Variants in ABCA13 observed in about 807,000 individuals in gnomAD.
ABCA13 encodes ATP binding cassette subfamily A member 13, also known as ATP-binding cassette sub-family A member 13.
ABCA13 carries 476 observed loss-of-function variants against 478.7 expected under a neutral mutation model. The observed-to-expected ratio is 0.99, with a 90% CI of 0.92 to 1.07. The LOEUF is 1.07. Ranked by LOEUF, ABCA13 falls within the 50% of genes least tolerant of loss-of-function variation. The pLI is 0.00. For missense variants in ABCA13, 6,060 were observed against 5,910.6 expected, an observed-to-expected ratio of 1.03 and a Z score of -0.83; for synonymous variants, 2,252 against 2,158.9, an observed-to-expected ratio of 1.04 and a Z score of -1.20.
chr7:48,208,886 TAAAGAAAAGGTC>T, intron 3 of ABCA13, among the ~76,000 whole-genome samples: 1 of 152,042 alleles, frequency 6.6e-6, no homozygotes, highest in Non-Finnish European at 1.5e-5. Context: ...TTCCAAATCT[TAAAGAAAAGGTC>T]TTCAGTTTTC....
At chr7:48,503,541 G>A (rs761363178) in intron 48 of ABCA13, among the ~76,000 whole-genome samples, 56 of 152,240 alleles carry the variant, frequency 3.7e-4, no homozygotes, top group Middle Eastern at 3.4e-3. Flanking sequence ...TGCAGTGTTT[G>A]TCTTTCTTTG....
chr7:48,178,755 G>A (rs1795235020), intron 1 of ABCA13, among the ~76,000 whole-genome samples: 1 of 150,632 alleles, frequency 6.6e-6, no homozygotes, highest in African/African-American at 2.4e-5. Flanking sequence ...GTCTTCTAAA[G>A]GTATGGAAAA....
chr7:48,233,233 A>G (rs943856157), intron 7 of ABCA13, among the ~76,000 whole-genome samples: 3 of 152,108 alleles, frequency 2.0e-5, no homozygotes, highest in African/African-American at 7.2e-5. Flanking sequence ...GCTTGTGAAA[A>G]TGGCTTATTA....
intron 55 of ABCA13, among the ~76,000 whole-genome samples, chr7:48,561,189 G>A (rs1470601856): frequency 6.6e-5 from 10 of 152,036 alleles, no homozygotes; most frequent in Non-Finnish European, 1.3e-4. Flanking sequence ...ATTGTGAATA[G>A]CGCTGCAATG....
intron 45 of ABCA13, among the ~76,000 whole-genome samples, chr7:48,476,458 G>T (rs1291138588): frequency 1.3e-5 from 2 of 152,098 alleles, no homozygotes; most frequent in African/African-American, 4.8e-5. Context: ...GCTGTAATTT[G>T]TGGAGGGAAC....
At chr7:48,499,715 A>G (rs1464390179) in intron 48 of ABCA13, among the ~76,000 whole-genome samples, 1 of 152,228 alleles carries the variant, frequency 6.6e-6, no homozygotes, top group Non-Finnish European at 1.5e-5. Flanking sequence ...ACATTTTGAA[A>G]CGTCATTTCT....
At chr7:48,195,046 T>A (rs1341522653) in intron 2 of ABCA13, among the ~76,000 whole-genome samples, 2 of 152,178 alleles carry the variant, frequency 1.3e-5, no homozygotes, top group East Asian at 3.9e-4. Flanking sequence ...GGTCAGCCAA[T>A]CCATTCTAAA....
chr7:48,427,674 C>T, intron 41 of ABCA13, 92 bp from the exon 42 acceptor site: 2 of 793,794 alleles, frequency 2.5e-6, no homozygotes, highest in Admixed American at 2.2e-5. Context: ...CATATGTTGT[C>T]ACAACCGGAT....
At chr7:48,230,856 T>C (rs1186475484) in intron 7 of ABCA13, among the ~76,000 whole-genome samples, 1 of 152,214 alleles carries the variant, frequency 6.6e-6, no homozygotes, top group Non-Finnish European at 1.5e-5. Flanking sequence ...TTCATTTATT[T>C]ATTCATTCTC....
Position 48,352,390 on chromosome 7 carries a change from A to G in ABCA13, c.10591A>G (p.Ile3531Val). 6.2e-7 allele frequency: 1 copy of G among 1,613,608 alleles called. No individual in the cohort carries two copies. Among genetic ancestry groups the G allele is most frequent in the Non-Finnish European group, 8.5e-7 (1 of 1,179,810 alleles). Reference sequence around the variant, plus strand: ...CGTCTTTGCCCCACTGCAAGACATGATCGAAAGAGCCATCATTTTGGTGCA... The same window carrying G: ...CGTCTTTGCCCCACTGCAAGACATGGTCGAAAGAGCCATCATTTTGGTGCA... ...NYVFAPLQDM[I>V]ERAIILVQTG... is the part of the protein sequence containing the mutation. The change falls in exon 31 of 62, where the codon ATC (isoleucine) becomes GTC (valine). Residue 3531 changes from isoleucine (I) to valine (V), a missense_variant. Physicochemically the swap from Ile to Val is conservative, Grantham distance 29. This residue lies in a region of ABCA13 where 4,423 missense variants were observed against 4,309.1 expected (regional missense o/e 1.03). Coordinates refer to ENST00000435803, the MANE Select transcript of ABCA13 (RefSeq NM_152701.5).
intron 33 of ABCA13, among the ~76,000 whole-genome samples, chr7:48,373,507 A>C (rs960340385): frequency 1.3e-5 from 2 of 152,208 alleles, no homozygotes; most frequent in Admixed American, 1.3e-4. Context: ...AAAAGTGGTT[A>C]TATTCCATCA....
rs972987542 is a variant in ABCA13, at chr7:48,645,338, G to A, written c.15082-79G>A. On this transcript the variant is annotated intron_variant, in intron 61 of 61. Transcript: ENST00000435803. Reference sequence around the variant, plus strand: ...TAGGGCAAGTTGGCCAGTGTTCTGAGACAATGTCTCCTTTCTAATAAGTGA... The same window carrying A: ...TAGGGCAAGTTGGCCAGTGTTCTGAAACAATGTCTCCTTTCTAATAAGTGA... 60 of 1,162,238 alleles carry A rather than the reference G, an allele frequency of 5.2e-5. 1 individual carries two copies. The highest frequency in any genetic ancestry group is 5.6e-5 in the Non-Finnish European group (45 of 810,324). The allele number at this position is 1,162,238 out of a possible 1,614,324, so 72.0% of individuals were successfully genotyped here.
chr7:48,279,280 C>T lies in ABCA13; in HGVS notation c.8086C>T (p.Pro2696Ser). 6.3e-7 allele frequency: 1 copy of T among 1,588,398 alleles called. No individual in the cohort carries two copies. Among genetic ancestry groups the T allele is most frequent in the Non-Finnish European group, 8.6e-7 (1 of 1,165,448 alleles). ...NITNQMDFLY[P>S]NPISTHSGPQ... is the part of the protein sequence containing the mutation. ...CACCAACCAAATGGACTTCTTATACCCTAATCCAATTTCCACTCATAGTGG... is the reference window on the plus strand; with the variant it reads ...CACCAACCAAATGGACTTCTTATACTCTAATCCAATTTCCACTCATAGTGG... Residue 2696 changes from proline (P) to serine (S), a missense_variant, in exon 18 of 62, where the codon CCT becomes TCT. Physicochemically the swap from Pro to Ser is moderately conservative, Grantham distance 74. Coordinates refer to ENST00000435803, the MANE Select transcript of ABCA13 (RefSeq NM_152701.5).
intron 41 of ABCA13, among the ~76,000 whole-genome samples, chr7:48,414,859 T>C (rs1386718640): frequency 6.6e-5 from 10 of 152,146 alleles, no homozygotes; most frequent in Non-Finnish European, 1.5e-4. Flanking sequence ...GGAACAAGTC[T>C]GTCAAAAATG....
intron 38 of ABCA13, among the ~76,000 whole-genome samples, chr7:48,401,497 T>C (rs182074441): frequency 2.0e-5 from 3 of 152,330 alleles, no homozygotes; most frequent in Admixed American, 6.5e-5. Context: ...TTTATCTCAT[T>C]GTGTCCTAAT....
chr7:48,631,092 C>T (rs116415930), intron 59 of ABCA13, among the ~76,000 whole-genome samples: 2,382 of 151,836 alleles, frequency 0.016, 53 homozygotes, highest in African/African-American at 0.053. Context: ...TTCTCTCATT[C>T]TGTGGGTTGT....
intron 27 of ABCA13, among the ~76,000 whole-genome samples, chr7:48,325,791 G>A (rs1210715833): frequency 6.6e-6 from 1 of 152,170 alleles, no homozygotes; most frequent in Admixed American, 6.5e-5. Flanking sequence ...CCCTAGAGCT[G>A]GGGCAGAGAA....
At chr7:48,250,258 C>T (rs1792342084) in intron 15 of ABCA13, among the ~76,000 whole-genome samples, 1 of 152,200 alleles carries the variant, frequency 6.6e-6, no homozygotes, top group Non-Finnish European at 1.5e-5. Context: ...CCTATGAGCA[C>T]TCTGAACACT....
intron 55 of ABCA13, among the ~76,000 whole-genome samples, chr7:48,548,632 A>G (rs1785036161): frequency 6.6e-6 from 1 of 151,376 alleles, no homozygotes; most frequent in Admixed American, 6.6e-5. Context: ...GTGAGAGTTC[A>G]CATGTCGACT....
Sources: gnomAD v4.1 joint callset for allele counts (sites outside exome capture counted in the v4.1 genomes callset) on GRCh38, gnomAD v4.1.1 for gene constraint, gnomAD v4.1.1 regional missense constraint, MANE v1.5 for transcripts, NCBI Gene and HGNC (gene_info 2026-07-23, HGNC 2026-07-21) for gene names.